KLF17: variants seen among roughly 807,000 people sequenced by gnomAD.
KLF17 encodes KLF transcription factor 17.
KLF17 carries 31 observed loss-of-function variants against 34.2 expected under a neutral mutation model. That is an observed-to-expected ratio of 0.91 (90% CI 0.68 to 1.22). The LOEUF is 1.22. Ranked by LOEUF, KLF17 falls within the 50% of genes most tolerant of loss-of-function variation. The pLI is 0.00. For synonymous variants in KLF17, 179 were observed against 186.7 expected, an observed-to-expected ratio of 0.96 and a Z score of 0.34; for missense variants, 478 against 505.2, an observed-to-expected ratio of 0.95 and a Z score of 0.52.
chr1:44,117,599 G>A (rs142515529), upstream of KLF17, among the ~76,000 whole-genome samples: 450 of 151,520 alleles, frequency 3.0e-3, 4 homozygotes, highest in African/African-American at 0.01. Flanking sequence ...GGATTCAAGC[G>A]ATTCTCCTGC....
intron 1 of KLF17, chr1:44,122,227 C>A (rs909650234): frequency 6.2e-7 from 1 of 1,604,488 alleles, no homozygotes; most frequent in Admixed American, 1.7e-5. Context: ...CCTCTTCCTG[C>A]AACAGCTTCC....
At chr1:44,129,259 T>G in intron 1 of KLF17, 94 bp from the exon 2 acceptor site, 1 of 1,392,732 alleles carries the variant, frequency 7.2e-7, no homozygotes, top group Non-Finnish European at 9.6e-7. Flanking sequence ...GAGATGGAAA[T>G]AGAGGGCTGG....
At chr1:44,110,914 G>C in the KLF17 span, among the ~76,000 whole-genome samples, 1 of 152,072 alleles carries the variant, frequency 6.6e-6, no homozygotes, top group South Asian at 2.1e-4. Flanking sequence ...TTTGAGCCCA[G>C]GAGTTTGAGA....
the KLF17 span, among the ~76,000 whole-genome samples, chr1:44,092,785 C>T: frequency 1.3e-5 from 2 of 151,828 alleles, no homozygotes; most frequent in African/African-American, 2.4e-5. Flanking sequence ...GAGTGATAGA[C>T]CCCCTAAAAG....
the KLF17 span, among the ~76,000 whole-genome samples, chr1:44,062,191 C>T: frequency 6.6e-6 from 1 of 152,208 alleles, no homozygotes; most frequent in African/African-American, 2.4e-5. Context: ...TTTCCAAGCA[C>T]TTGATGTTGT....
At chr1:44,080,860 A>G in the KLF17 span, among the ~76,000 whole-genome samples, 2 of 150,974 alleles carry the variant, frequency 1.3e-5, no homozygotes, top group Admixed American at 6.6e-5. Flanking sequence ...GACTATAGGC[A>G]TGTGCCACCA....
Position 44,129,459 on chromosome 1 carries a change from A to C in KLF17, c.188A>C (p.His63Pro). 2 of 1,607,128 alleles carry C rather than the reference A, an allele frequency of 1.2e-6. No homozygotes were observed. Among genetic ancestry groups the C allele is most frequent in the African/African-American group, 1.3e-5 (1 of 74,818 alleles). ...CTACCAAGCATTCAGCACTTTCCTC[A>C]CAGCGCAGAGATGCTGGGGTCCCCT... Reference protein sequence around the residue: ...QGLPSIQHFPHSAEMLGSPLV... With the variant: ...QGLPSIQHFPPSAEMLGSPLV... The change falls in exon 2 of 4, where the codon CAC (histidine) becomes CCC (proline). Residue 63 changes from histidine to proline, a missense_variant. His to Pro is a moderately conservative substitution (Grantham distance 77). Transcript: ENST00000372299.
chr1:44,121,143 T>G (rs1262078970), intron 1 of KLF17, among the ~76,000 whole-genome samples: 3 of 152,128 alleles, frequency 2.0e-5, no homozygotes, highest in African/African-American at 7.2e-5. Context: ...TGAGACAGGG[T>G]CTTGGTGCTG....
At chr1:44,083,524 C>T in the KLF17 span, among the ~76,000 whole-genome samples, 2 of 152,080 alleles carry the variant, frequency 1.3e-5, no homozygotes, top group Admixed American at 6.6e-5. Flanking sequence ...GAGCCAGGCG[C>T]GGTGGCTCAC....
chr1:44,066,132 T>C, the KLF17 span, among the ~76,000 whole-genome samples: 4 of 152,130 alleles, frequency 2.6e-5, no homozygotes, highest in East Asian at 5.8e-4. Context: ...GCCTGGGCAA[T>C]ACAGTGAGAC....
the KLF17 span, among the ~76,000 whole-genome samples, chr1:44,062,961 T>C: frequency 6.6e-6 from 1 of 152,216 alleles, no homozygotes; most frequent in Non-Finnish European, 1.5e-5. Context: ...GCTTTATTCA[T>C]GATAGCTTAC....
the KLF17 span, among the ~76,000 whole-genome samples, chr1:44,093,857 A>G: frequency 6.6e-6 from 1 of 152,222 alleles, no homozygotes; most frequent in Non-Finnish European, 1.5e-5. Context: ...TGTAGCTCAG[A>G]TATTTTTCAT....
upstream of KLF17, chr1:44,117,115 A>G (rs2087886791): frequency 6.6e-6 from 1 of 151,848 alleles, no homozygotes; most frequent in Non-Finnish European, 1.5e-5. Flanking sequence ...GGATCTCACT[A>G]TGTTGCCAAG....
the KLF17 span, among the ~76,000 whole-genome samples, chr1:44,100,479 G>A: frequency 6.6e-6 from 1 of 151,912 alleles, no homozygotes; most frequent in Non-Finnish European, 1.5e-5. Context: ...CTAAGAATGA[G>A]GGGGGGAACC....
At chr1:44,121,401 C>T (rs541111020) in intron 1 of KLF17, among the ~76,000 whole-genome samples, 165 of 152,318 alleles carry the variant, frequency 1.1e-3, no homozygotes, top group Non-Finnish European at 1.4e-3. Context: ...AGGCATGAGC[C>T]GCCACGCCCA....
the KLF17 span, among the ~76,000 whole-genome samples, chr1:44,059,475 G>T: frequency 2.6e-5 from 4 of 152,084 alleles, no homozygotes; most frequent in Non-Finnish European, 5.9e-5. Flanking sequence ...TCATCTTCAT[G>T]GTTGCTGGAT....
the KLF17 span, among the ~76,000 whole-genome samples, chr1:44,054,326 G>A: frequency 3.3e-5 from 5 of 152,144 alleles, no homozygotes; most frequent in East Asian, 9.7e-4. Flanking sequence ...CAAAAAGTTG[G>A]CCAAAAAATC....
chr1:44,127,692 T>TTCTTTCTCTTTCTTTCTTTCTTTC (rs753421834), intron 1 of KLF17, among the ~76,000 whole-genome samples: 4 of 90,170 alleles, frequency 4.4e-5, no homozygotes, highest in South Asian at 9.1e-4. Context: ...CTTTCTTTCT[T>TTCTTTCTCTTTCTTTCTTTCTTTC]TTTCTTTCTT....
At chr1:44,080,713 ATTT>A in the KLF17 span, among the ~76,000 whole-genome samples, 38 of 92,676 alleles carry the variant, frequency 4.1e-4, no homozygotes, top group African/African-American at 1.6e-3. Flanking sequence ...ATTATATTGA[ATTT>A]TTTTTTTTTT....
Sources: allele counts gnomAD v4.1 joint callset (sites outside exome capture counted in the v4.1 genomes callset), GRCh38; gene constraint gnomAD v4.1.1; transcripts MANE v1.5; gene names NCBI Gene and HGNC (gene_info 2026-07-23, HGNC 2026-07-21).